FBLIM1: variants seen among roughly 807,000 people sequenced by gnomAD.
FBLIM1 encodes filamin-binding LIM protein 1.
In FBLIM1, 29 loss-of-function variants were observed where a neutral mutation model predicts 37.4. That is an observed-to-expected ratio of 0.77 (90% confidence interval 0.58 to 1.06). FBLIM1 has a LOEUF of 1.06. FBLIM1 is among the 50% of genes least tolerant of loss of function. The pLI, the probability that FBLIM1 is intolerant of heterozygous loss-of-function variation, is 0.00. For synonymous variants in FBLIM1, 193 were observed against 199.0 expected, an observed-to-expected ratio of 0.97 and a Z score of 0.25; for missense variants, 449 against 505.6, an observed-to-expected ratio of 0.89 and a Z score of 1.07.
At chr1:15,769,302 T>C (rs1217146373) in intron 5 of FBLIM1, among the ~76,000 whole-genome samples, 1 of 151,578 alleles carries the variant, frequency 6.6e-6, no homozygotes, top group Non-Finnish European at 1.5e-5. Context: ...CATGGTGAAA[T>C]GCTGTCTCTA....
chr1:15,764,802 C>T lies in FBLIM1; in HGVS notation c.-21+117C>T, dbSNP rs1300236126. The T allele has an allele frequency of 5.7e-6, 5 of 873,130 alleles. No homozygotes were observed. In the African/African-American group the frequency reaches 8.4e-5, roughly 15 times the overall value. 54.1% of individuals were successfully genotyped at this position (873,130 alleles called of 1,614,324 possible). A position where few individuals can be genotyped will look rare whatever the true frequency, so the allele number is the denominator to read the frequency against. On this transcript the variant is annotated intron_variant, in intron 2 of 8. Transcript: ENST00000375766. ...GTGGGTCCTGTCTTCCCCAGCAGGACACCCCCACCCCTTCTCTGGCTGGGC... is the reference window on the plus strand; with the variant it reads ...GTGGGTCCTGTCTTCCCCAGCAGGATACCCCCACCCCTTCTCTGGCTGGGC...
chr1:15,768,670 TG>T, intron 5 of FBLIM1, 40 bp downstream of exon 5: 2 of 1,516,036 alleles, frequency 1.3e-6, no homozygotes, highest in Non-Finnish European at 1.8e-6. Context: ...GGTGATCTCA[TG>T]GGGCCAGCAT....
intron 1 of FBLIM1, among the ~76,000 whole-genome samples, chr1:15,760,143 A>C (rs932674289): frequency 1.3e-5 from 2 of 151,860 alleles, no homozygotes; most frequent in South Asian, 4.1e-4. Flanking sequence ...GAATCGCTTG[A>C]ACCCAGGAGG....
intron 8 of FBLIM1, among the ~76,000 whole-genome samples, chr1:15,781,250 C>G (rs907990387): frequency 3.3e-5 from 5 of 151,710 alleles, no homozygotes; most frequent in African/African-American, 1.2e-4. Context: ...CCCAGCTACT[C>G]GGGAGGGTGA....
Position 15,765,517 on chromosome 1 carries a change from A to G in FBLIM1, c.250+284A>G, listed in dbSNP as rs1255641160. ...CTTGCCTGGGAAGGGCTGTCCTGTC[A>G]CTGGTCAGCATGGCTGGCTGGCCGT... On this transcript the variant is annotated intron_variant, in intron 3 of 8. Coordinates refer to ENST00000375766, the MANE Select transcript of FBLIM1 (RefSeq NM_017556.4). This position sits in a 1 kb window ranked among gnomAD's most constrained non-coding sequence, Gnocchi z 5.9. 6.6e-6 allele frequency among the ~76,000 whole-genome samples: 1 copy of G among 151,942 alleles called. No homozygotes were observed. The highest frequency in any genetic ancestry group is 2.4e-5 in the African/African-American group (1 of 41,372).
chr1:15,783,034 T>A (rs921736103), intron 8 of FBLIM1, among the ~76,000 whole-genome samples: 1 of 152,046 alleles, frequency 6.6e-6, no homozygotes, highest in Non-Finnish European at 1.5e-5. Context: ...GACCTCATGA[T>A]CCGCCCGCCT....
chr1:15,778,421 AAAAT>A (rs1181118115), intron 8 of FBLIM1, among the ~76,000 whole-genome samples: 1 of 152,102 alleles, frequency 6.6e-6, no homozygotes, highest in Non-Finnish European at 1.5e-5. Context: ...ATAAAAATAA[AAAAT>A]AAATCAGCTT....
At chr1:15,759,822 G>C (rs1353181414) in intron 1 of FBLIM1, among the ~76,000 whole-genome samples, 1 of 152,222 alleles carries the variant, frequency 6.6e-6, no homozygotes, top group East Asian at 1.9e-4. Flanking sequence ...AAGAGGTTGA[G>C]GGAACCCCTC....
At chr1:15,762,369 TTC>T (rs1189893496) in intron 1 of FBLIM1, among the ~76,000 whole-genome samples, 1 of 150,272 alleles carries the variant, frequency 6.7e-6, no homozygotes, top group African/African-American at 2.4e-5. Flanking sequence ...GTTCAAGCAA[TTC>T]TCTGTCTCAG....
At chr1:15,763,493 G>A (rs7515287) in intron 1 of FBLIM1, among the ~76,000 whole-genome samples, 11 of 150,944 alleles carry the variant, frequency 7.3e-5, no homozygotes, top group South Asian at 2.1e-4. Flanking sequence ...AAAATTAGCC[G>A]GGCGTGGTGG....
At position 15,774,723 on chromosome 1, in the gene FBLIM1, GC is replaced by G. The variant is rs774168283; in HGVS notation, c.820del (p.Arg274GlyfsTer81). 1 of 1,614,134 alleles carries G rather than the reference GC, an allele frequency of 6.2e-7. No individual in the cohort carries two copies. Among genetic ancestry groups the G allele is most frequent in the African/African-American group, 1.3e-5 (1 of 75,054 alleles). ...CTCCTGCTTCACGTGTGTGACCTGC[GC>G]CCGGTGCATTGGGGATGAGAGCTTT... is the stretch of plus-strand genomic sequence containing the variant. The part of the protein sequence containing the change: ...HPSCFTCVTC[A>X]RCIGDESFAL... On this transcript the variant is annotated frameshift_variant, in exon 7 of 9. Coordinates refer to ENST00000375766, the MANE Select transcript of FBLIM1 (RefSeq NM_017556.4). LOFTEE classifies it high-confidence loss of function.
Position 15,774,727 on chromosome 1 carries a change from G to A in FBLIM1, c.821G>A (p.Arg274Gln), listed in dbSNP as rs757842101. 57 of 1,614,016 alleles carry A rather than the reference G, an allele frequency of 3.5e-5. No individual in the cohort carries two copies. Among genetic ancestry groups the A allele is most frequent in the South Asian group, 7.7e-5 (7 of 91,090 alleles). Reference protein sequence around the residue: ...PSCFTCVTCARCIGDESFALG... With the variant: ...PSCFTCVTCAQCIGDESFALG... Reference sequence around the variant, plus strand: ...TGCTTCACGTGTGTGACCTGCGCCCGGTGCATTGGGGATGAGAGCTTTGCC... The same window carrying A: ...TGCTTCACGTGTGTGACCTGCGCCCAGTGCATTGGGGATGAGAGCTTTGCC... Residue 274 changes from arginine to glutamine, a missense_variant, in exon 7 of 9, where the codon CGG becomes CAG. Arg to Gln is a conservative substitution (Grantham distance 43). Transcript: ENST00000375766.
intron 5 of FBLIM1, among the ~76,000 whole-genome samples, chr1:15,769,433 C>A (rs752868835): frequency 4.6e-5 from 7 of 151,344 alleles, no homozygotes; most frequent in African/African-American, 1.7e-4. Context: ...GCTGAGATTG[C>A]GCCACTGCTC....
chr1:15,784,631 T>C lies in FBLIM1; in HGVS notation c.1092T>C (p.His364=), dbSNP rs202002501. The C allele has an allele frequency of 3.1e-6, 5 of 1,614,032 alleles. No individual in the cohort carries two copies. Among genetic ancestry groups the C allele is most frequent in the Non-Finnish European group, 4.2e-6 (5 of 1,179,998 alleles). ...LNNHLFCKPC[H]VKRSAAGCC Reference sequence around the variant, plus strand: ...ACCATCTCTTCTGCAAGCCATGCCATGTGAAGCGGAGTGCTGCGGGGTGCT... The same window carrying C: ...ACCATCTCTTCTGCAAGCCATGCCACGTGAAGCGGAGTGCTGCGGGGTGCT... Residue 364 remains histidine, a synonymous_variant, in exon 9 of 9, where the codon CAT becomes CAC. Transcript: ENST00000375766.
At chr1:15,758,466 C>A (rs2068500045), upstream of FBLIM1, 1 of 152,122 alleles carries the variant, frequency 6.6e-6, no homozygotes, top group South Asian at 2.1e-4. The surrounding 1 kb of genome is among the most constrained non-coding windows in gnomAD (Gnocchi z 6.2). Flanking sequence ...GAAACCCACC[C>A]CGACTCCCCA....
intron 2 of FBLIM1, 95 bp downstream of exon 2, chr1:15,764,780 G>T: frequency 1.4e-6 from 1 of 721,220 alleles, no homozygotes; most frequent in Non-Finnish European, 2.3e-6. Flanking sequence ...TTCCCTGGTG[G>T]GTCCTGTCTT....
At chr1:15,772,548 G>A (rs1240375247) in intron 6 of FBLIM1, among the ~76,000 whole-genome samples, 8 of 152,162 alleles carry the variant, frequency 5.3e-5, no homozygotes, top group Admixed American at 5.2e-4. Context: ...AGGAGAGACA[G>A]CATGTCCAGG....
chr1:15,776,866 CAAA>C (rs36071270), intron 7 of FBLIM1: 291 of 68,660 alleles, frequency 4.2e-3, no homozygotes, highest in Non-Finnish European at 5.1e-3. Context: ...AACTCCATCT[CAAA>C]AAAAAAAAAA....
At position 15,781,534 on chromosome 1, in the gene FBLIM1, AAAAAAT is replaced by A. The variant is rs1366096851; in HGVS notation, c.1009-3011_1009-3006del. Reference sequence around the variant, plus strand: ...AGACTCTGTCTCAAAAAAAAAAAAAAAAAAATAATGAGGCTCTTGAACTGCAGCAGC... The same window carrying A: ...AGACTCTGTCTCAAAAAAAAAAAAAAAATGAGGCTCTTGAACTGCAGCAGC... On this transcript the variant is annotated intron_variant, in intron 8 of 8. Coordinates refer to ENST00000375766, the MANE Select transcript of FBLIM1 (RefSeq NM_017556.4). 7.9e-3 allele frequency among the ~76,000 whole-genome samples: 763 copies of A among 96,734 alleles called. 7 individuals carry two copies. Among genetic ancestry groups the A allele is most frequent in the South Asian group, 0.012 (31 of 2,592 alleles). 63.5% of individuals were successfully genotyped at this position (96,734 alleles called of 152,430 possible).
Sources: gnomAD v4.1 joint callset for allele counts (sites outside exome capture counted in the v4.1 genomes callset) on GRCh38, gnomAD v4.1.1 for gene constraint, Gnocchi (gnomAD v3.1) non-coding constraint, MANE v1.5 for transcripts, NCBI Gene and HGNC (gene_info 2026-07-23, HGNC 2026-07-21) for gene names.